Variants in NAT10 observed in about 807,000 individuals in gnomAD.
The protein encoded by NAT10 is N-acetyltransferase 10.
A neutral mutation model predicts 132.2 loss-of-function variants in NAT10; 109 were observed. The observed-to-expected ratio is 0.82, with a 90% confidence interval of 0.71 to 0.97. NAT10 has a LOEUF of 0.97. Ranked by LOEUF, NAT10 falls within the 50% of genes least tolerant of loss-of-function variation. The pLI is 0.00. For missense variants in NAT10, 1,184 were observed against 1,263.4 expected (o/e 0.94, Z 0.95); for synonymous variants, 479 against 478.0 (o/e 1.00, Z -0.03).
intron 3 of NAT10, among the ~76,000 whole-genome samples, chr11:34,110,302 C>G (rs1164920544): frequency 6.6e-6 from 1 of 151,692 alleles, no homozygotes; most frequent in Non-Finnish European, 1.5e-5. Flanking sequence ...TGTGACTAAC[C>G]TCCCTCCTTT....
chr11:34,122,611 C>T lies in NAT10; in HGVS notation c.914+19C>T. ...CATTTGGGTAAGGGGATTCAGTCCC[C>T]CATCTTTAGGAACTCTGGGCTCTGT... is the stretch of plus-strand genomic sequence containing the variant. On this transcript the variant is annotated intron_variant, in intron 9 of 28. Coordinates refer to ENST00000257829, the MANE Select transcript of NAT10 (RefSeq NM_024662.3). The T allele has an allele frequency of 1.2e-6, 2 of 1,612,954 alleles. No homozygotes were observed. Among genetic ancestry groups the T allele is most frequent in the Non-Finnish European group, 1.7e-6 (2 of 1,179,530 alleles).
At chr11:34,133,529 ACTTTTC>A (rs1852145736) in intron 16 of NAT10, among the ~76,000 whole-genome samples, 2 of 152,140 alleles carry the variant, frequency 1.3e-5, no homozygotes, top group African/African-American at 2.4e-5. Context: ...TTTCTATATC[ACTTTTC>A]CTTTTCATAT....
In NAT10 at chr11:34,105,773, C is replaced by G. The variant is rs896284048; in HGVS notation, c.-35C>G. ...CTTCCCCTTCTCCACTGGCTGGGAT[C>G]CCCCGGGCTCGGGGCGCAGGTACCC... is the stretch of plus-strand genomic sequence containing the variant. On this transcript the variant is annotated 5_prime_UTR_variant, in exon 1 of 29. The change creates a new upstream start codon in the 5' untranslated region. Transcript: ENST00000257829. The G allele has an allele frequency of 1.3e-5, 2 of 152,430 alleles. No homozygotes were observed. The highest frequency in any genetic ancestry group is 4.8e-5 in the African/African-American group (2 of 41,478). 9.4% of individuals were successfully genotyped at this position (152,430 alleles called of 1,614,324 possible). A position where few individuals can be genotyped will look rare whatever the true frequency, so the allele number is the denominator to read the frequency against.
rs753240917 is a variant in NAT10, at chr11:34,108,319, C to T, written c.94C>T (p.Arg32Ter). The change falls in exon 2 of 29, where the codon CGA (arginine) becomes TGA (stop). Residue 32 changes from arginine to a stop codon, truncating the protein, a stop_gained. Transcript: ENST00000257829. LOFTEE classifies it high-confidence loss of function. ...QRSLFVVVGD[R>*]GKDQVVILHH... ...ATCTCTCTTTGTTGTAGTTGGGGATCGAGGAAAAGATCAGGTATGGCCTGG... is the reference window on the plus strand; with the variant it reads ...ATCTCTCTTTGTTGTAGTTGGGGATTGAGGAAAAGATCAGGTATGGCCTGG... 2.3e-5 allele frequency: 37 copies of T among 1,613,336 alleles called. No individual in the cohort carries two copies. The highest frequency in any genetic ancestry group is 2.9e-5 in the Non-Finnish European group (34 of 1,179,494).
rs1313905515 is a variant in NAT10 at position 34,118,236 on chromosome 11, A to G, written c.614A>G (p.Asn205Ser). ...KKCLVIDDQL[N>S]ILPISSHVAT... is the part of the protein sequence containing the mutation. ...TGTCTCGTCATTGATGACCAGCTCA[A>G]CATCCTGCCCATCTCCTCCCACGTT... The change falls in exon 7 of 29, where the codon AAC becomes AGC. Residue 205 changes from asparagine to serine, a missense_variant. Asn to Ser is a conservative substitution (Grantham distance 46). Transcript: ENST00000257829. The G allele has an allele frequency of 6.2e-6, 10 of 1,614,048 alleles. No individual in the cohort carries two copies. Among genetic ancestry groups the G allele is most frequent in the African/African-American group, 1.3e-5 (1 of 74,924 alleles).
At chr11:34,140,671 T>C in intron 24 of NAT10, 99 bp downstream of exon 24, 1 of 1,319,002 alleles carries the variant, frequency 7.6e-7, no homozygotes, top group Non-Finnish European at 1.0e-6. Context: ...TGTGTGCCTT[T>C]AATTCCTCAT....
In NAT10 at chr11:34,141,159, C is replaced by G. The variant is rs151223396; in HGVS notation, c.2663C>G (p.Ser888Trp). 6.2e-7 allele frequency: 1 copy of G among 1,613,944 alleles called. No homozygotes were observed. Among genetic ancestry groups the G allele is most frequent in the South Asian group, 1.1e-5 (1 of 91,054 alleles). ...CTGGAAAAGGAGATTGAGCTGCCCT[C>G]GGGCCAGTTGATGGGACTTTTCAAC... is the stretch of plus-strand genomic sequence containing the variant. ...DQLEKEIELP[S>W]GQLMGLFNRI... The change falls in exon 25 of 29, where the codon TCG (serine) becomes TGG (tryptophan). Residue 888 changes from serine to tryptophan, a missense_variant. By Grantham distance (177) the Ser-to-Trp change is radical (BLOSUM62 -3). Coordinates refer to ENST00000257829, the MANE Select transcript of NAT10 (RefSeq NM_024662.3).
rs1242122696 is a variant in NAT10, at chr11:34,130,841, C to T, written c.1273C>T (p.Leu425Phe). The T allele has an allele frequency of 6.2e-7, 1 of 1,614,210 alleles. No individual in the cohort carries two copies. Among genetic ancestry groups the T allele is most frequent in the Non-Finnish European group, 8.5e-7 (1 of 1,180,026 alleles). Residue 425 changes from leucine to phenylalanine, a missense_variant, in exon 13 of 29, where the codon CTC (leucine) becomes TTC (phenylalanine). Leu to Phe is a conservative substitution (Grantham distance 22). Transcript: ENST00000257829. ...GYEGTGRSLS[L>F]KLIQQLRQQS... ...TGAGGGCACTGGCCGGTCACTGTCC[C>T]TCAAGCTAATTCAGCAGCTCCGTCA... is the stretch of plus-strand genomic sequence containing the variant.
intron 14 of NAT10, 25 bp downstream of exon 14, chr11:34,131,556 C>A: frequency 6.3e-7 from 1 of 1,594,602 alleles, no homozygotes; most frequent in African/African-American, 1.3e-5. Flanking sequence ...GTTTCACTGG[C>A]CCTGTGAAAA....
chr11:34,130,975 C>G, intron 13 of NAT10, 38 bp downstream of exon 13: 2 of 1,610,358 alleles, frequency 1.2e-6, no homozygotes, highest in Non-Finnish European at 8.5e-7. Flanking sequence ...CGGTTCACAG[C>G]AAGGCCCTTC....
chr11:34,143,284 C>A (rs1852374023), intron 27 of NAT10, among the ~76,000 whole-genome samples, 161 bp from the exon 28 acceptor site: 1 of 152,232 alleles, frequency 6.6e-6, no homozygotes, highest in South Asian at 2.1e-4. Flanking sequence ...CTCCTGCATG[C>A]TTGTCCCCTC....
chr11:34,132,029 C>A, intron 14 of NAT10, 96 bp from the exon 15 acceptor site: 1 of 903,832 alleles, frequency 1.1e-6, no homozygotes, highest in Non-Finnish European at 1.8e-6. Context: ...CACTGAGCTC[C>A]TGTTCCCAGC....
intron 10 of NAT10, among the ~76,000 whole-genome samples, chr11:34,124,060 T>G (rs1450677441): frequency 2.0e-5 from 3 of 152,130 alleles, no homozygotes; most frequent in African/African-American, 7.2e-5. Context: ...TCCCAGCTAC[T>G]TGGGAGGCTG....
Position 34,121,789 on chromosome 11 carries a change from G to A in NAT10, c.781-670G>A, listed in dbSNP as rs562568487. Among the ~76,000 whole-genome samples, 21 of 150,746 alleles carry A rather than the reference G, an allele frequency of 1.4e-4. No homozygotes were observed. The East Asian group carries it at 3.7e-3, about 27-fold the overall frequency. ...GCAGGAGAATCACTTGAACCCAGGA[G>A]GTGGAGGTTGAAGTGAGCTGAGATC... On this transcript the variant is annotated intron_variant, in intron 8 of 28. Transcript: ENST00000257829.
Position 34,139,185 on chromosome 11 carries a change from G to T in NAT10, c.2212-6G>T, listed in dbSNP as rs1565118778. ...TTGGTGCCAGTTAAACCTCTGTGTT[G>T]CCCAGAATGACCTGACCGGAGAGCA... is the stretch of plus-strand genomic sequence containing the variant. On this transcript the variant is annotated splice_polypyrimidine_tract_variant and splice_region_variant and intron_variant, in intron 21 of 28. Transcript: ENST00000257829. 1.9e-6 allele frequency: 3 copies of T among 1,613,072 alleles called. No individual in the cohort carries two copies. The highest frequency in any genetic ancestry group is 2.5e-6 in the Non-Finnish European group (3 of 1,179,154).
intron 25 of NAT10, 92 bp from the exon 26 acceptor site, chr11:34,141,627 C>A: frequency 9.0e-7 from 1 of 1,110,058 alleles, no homozygotes; most frequent in Non-Finnish European, 1.3e-6. Flanking sequence ...AAAATGCACA[C>A]CTTTCTATAA....
At chr11:34,136,516 C>T (rs1852216174) in intron 19 of NAT10, 126 bp from the exon 20 acceptor site, 1 of 1,116,164 alleles carries the variant, frequency 9.0e-7, no homozygotes, top group African/African-American at 1.6e-5. Context: ...AAAACCACAG[C>T]AATAAACCAA....
chr11:34,112,908 CA>C (rs1254656627), intron 4 of NAT10, among the ~76,000 whole-genome samples: 1 of 152,228 alleles, frequency 6.6e-6, no homozygotes, highest in African/African-American at 2.4e-5. Context: ...AAATTAAGCA[CA>C]AATCCTCACA....
chr11:34,144,991 C>T (rs1457369452), intron 28 of NAT10, among the ~76,000 whole-genome samples: 2 of 152,244 alleles, frequency 1.3e-5, no homozygotes, highest in African/African-American at 2.4e-5. Flanking sequence ...TCGATGCCGG[C>T]CTCATTTCCC....
Sources: gnomAD v4.1 joint callset for allele counts (sites outside exome capture counted in the v4.1 genomes callset) on GRCh38, gnomAD v4.1.1 for gene constraint, MANE v1.5 for transcripts, NCBI Gene and HGNC (gene_info 2026-07-23, HGNC 2026-07-21) for gene names.